Variants in HK1 observed in about 807,000 individuals in gnomAD.
The protein encoded by HK1 is hexokinase 1, also known as hexokinase-1.
A neutral mutation model predicts 91.6 loss-of-function variants in HK1; 28 were observed. The observed-to-expected ratio is 0.31, with a 90% CI of 0.23 to 0.42. The LOEUF is 0.42. Ranked by LOEUF, HK1 falls within the 10% of genes least tolerant of loss-of-function variation. HK1 has a pLI of 1.00. For missense variants in HK1, 770 were observed against 1,219.8 expected, an observed-to-expected ratio of 0.63 and a Z score of 5.49; for synonymous variants, 430 against 468.1, an observed-to-expected ratio of 0.92 and a Z score of 1.05.
At chr10:69,335,730 T>C (rs117879799) in intron 1 of HK1, among the ~76,000 whole-genome samples, 113 of 152,322 alleles carry the variant, frequency 7.4e-4, no homozygotes, top group Admixed American at 2.2e-3. Flanking sequence ...GAGAGGCCTT[T>C]ATAGGTCAAA....
chr10:69,341,343 T>A (rs1407261820), intron 1 of HK1, among the ~76,000 whole-genome samples: 1 of 151,394 alleles, frequency 6.6e-6, no homozygotes, highest in African/African-American at 2.4e-5. Flanking sequence ...TGTATTTTTT[T>A]AGAGACGAGG....
intron 5 of HK1, among the ~76,000 whole-genome samples, chr10:69,305,777 C>G (rs1453601953): frequency 6.6e-6 from 1 of 150,918 alleles, no homozygotes; most frequent in Non-Finnish European, 1.5e-5. Flanking sequence ...CGTTTGAACC[C>G]GGGAGGCAGA....
At chr10:69,340,103 AAT>A (rs1848214930) in intron 1 of HK1, among the ~76,000 whole-genome samples, 1 of 152,182 alleles carries the variant, frequency 6.6e-6, no homozygotes, top group Admixed American at 6.5e-5. Context: ...AGGTCTATTC[AAT>A]ATGTTTTCTT....
At chr10:69,311,079 G>A (rs898663126), upstream of HK1, among the ~76,000 whole-genome samples, 4 of 151,700 alleles carry the variant, frequency 2.6e-5, no homozygotes, top group Non-Finnish European at 4.4e-5. Context: ...AAGTGATAAG[G>A]GGTTGTGGAG....
At chr10:69,315,872 C>A, upstream of HK1, 1 of 1,414,458 alleles carries the variant, frequency 7.1e-7, no homozygotes, top group Non-Finnish European at 1.0e-6. Context: ...AAAACTCTAC[C>A]ACAACCTGAC....
intron 4 of HK1, among the ~76,000 whole-genome samples, chr10:69,366,392 G>A (rs543250980): frequency 6.6e-6 from 1 of 152,090 alleles, no homozygotes; most frequent in Non-Finnish European, 1.5e-5. Flanking sequence ...TAGGGTAAGC[G>A]TCCTTTCCTG....
intron 4 of HK1, among the ~76,000 whole-genome samples, chr10:69,366,272 C>T (rs1226939208): frequency 6.6e-6 from 1 of 152,142 alleles, no homozygotes; most frequent in Non-Finnish European, 1.5e-5. Flanking sequence ...GTCACCTAGC[C>T]AGGAAGATTC....
At chr10:69,376,756 G>T (rs1380478413) in intron 7 of HK1, among the ~76,000 whole-genome samples, 178 bp from the exon 8 acceptor site, 2 of 152,118 alleles carry the variant, frequency 1.3e-5, no homozygotes, top group Non-Finnish European at 2.9e-5. Context: ...AGTCGGCTTG[G>T]CTTCCGATCC....
chr10:69,288,443 T>C (rs1845131276), intron 2 of HK1, among the ~76,000 whole-genome samples: 1 of 152,176 alleles, frequency 6.6e-6, no homozygotes, highest in Non-Finnish European at 1.5e-5. Flanking sequence ...CAGTGAGCTA[T>C]GATGGCGCCA....
chr10:69,297,697 C>T lies in HK1; in HGVS notation c.-67+2017C>T, dbSNP rs183019366. Among the ~76,000 whole-genome samples, 51 of 148,486 alleles carry T rather than the reference C, an allele frequency of 3.4e-4. 1 individual carries two copies. Among genetic ancestry groups the T allele is most frequent in the African/African-American group, 1.3e-3 (50 of 38,192 alleles). Reference sequence around the variant, plus strand: ...ATCACCTGAGGTCGGGTGTTTAAGACCAGCCTGGCCAACACGGTAAAACCC... The same window carrying T: ...ATCACCTGAGGTCGGGTGTTTAAGATCAGCCTGGCCAACACGGTAAAACCC... On this transcript the variant is annotated intron_variant, in intron 4 of 21. Coordinates refer to the HK1 transcript ENST00000360289.
upstream of HK1, among the ~76,000 whole-genome samples, chr10:69,314,393 G>T (rs1295481493): frequency 2.0e-5 from 3 of 152,184 alleles, no homozygotes; most frequent in South Asian, 4.1e-4. Context: ...GTGCAGCCAG[G>T]TTGGAAACCA....
At chr10:69,327,698 C>T (rs751702896) in intron 1 of HK1, among the ~76,000 whole-genome samples, 7 of 152,186 alleles carry the variant, frequency 4.6e-5, no homozygotes, top group Non-Finnish European at 1.0e-4. Flanking sequence ...GAAGTATGTG[C>T]AGGTTGCCTT....
rs753204633 is a variant in HK1 at position 69,276,138 on chromosome 10, T to TATATATACAC, written c.-391+6031_-391+6032insTATATACACA. Among the ~76,000 whole-genome samples the TATATATACAC allele has an allele frequency of 8.0e-4, 61 of 76,418 alleles. 1 individual carries two copies. The highest frequency in any genetic ancestry group is 1.1e-3 in the Non-Finnish European group (40 of 37,924). The allele number at this position is 76,418 out of a possible 152,430, so 50.1% of individuals were successfully genotyped here. ...AAAAAAATACATATATATATATATATACACATATATATATTCTATATTAAA... is the reference window on the plus strand; with the variant it reads ...AAAAAAATACATATATATATATATATATATATACACACACATATATATATTCTATATTAAA... On this transcript the variant is annotated intron_variant, in intron 1 of 21. Coordinates refer to the HK1 transcript ENST00000360289.
intron 7 of HK1, among the ~76,000 whole-genome samples, chr10:69,371,405 T>G (rs578055705): frequency 7.1e-6 from 1 of 140,174 alleles, no homozygotes; most frequent in African/African-American, 2.7e-5. Context: ...TGAATAGCCC[T>G]GAATGTGCTT....
At chr10:69,332,814 A>C (rs186326487) in intron 1 of HK1, among the ~76,000 whole-genome samples, 99 of 152,150 alleles carry the variant, frequency 6.5e-4, no homozygotes, top group African/African-American at 2.3e-3. Flanking sequence ...TATCATTGTC[A>C]CTCACCCAGC....
intron 5 of HK1, among the ~76,000 whole-genome samples, chr10:69,305,754 G>A (rs1288090220): frequency 5.3e-5 from 8 of 151,964 alleles, no homozygotes; most frequent in Non-Finnish European, 1.2e-4. Flanking sequence ...TCGGGAGGCT[G>A]AGGGAGGAGA....
chr10:69,344,099 C>A, intron 2 of HK1, 110 bp downstream of exon 2: 1 of 1,113,396 alleles, frequency 9.0e-7, no homozygotes, highest in Non-Finnish European at 1.4e-6. Context: ...ACCATTCCAT[C>A]AATCTGCTCT....
rs1840394011 is a variant in HK1, at chr10:69,401,575, G to A, written c.*440G>A. 1 of 372,746 alleles carries A rather than the reference G, an allele frequency of 2.7e-6. No individual in the cohort carries two copies. 23.1% of individuals were successfully genotyped at this position (372,746 alleles called of 1,614,324 possible). A position where few individuals can be genotyped will look rare whatever the true frequency, so the allele number is the denominator to read the frequency against. On this transcript the variant is annotated 3_prime_UTR_variant, in exon 18 of 18. Coordinates refer to ENST00000359426, the MANE Select transcript of HK1 (RefSeq NM_000188.3). ...GACACTGCCGGGCCTCCCTCCCGGG[G>A]GCACTGCCTGAAGGCGAGTGTGGGC...
intron 3 of HK1, among the ~76,000 whole-genome samples, chr10:69,290,337 C>T (rs1488273632): frequency 1.3e-5 from 2 of 152,156 alleles, no homozygotes; most frequent in East Asian, 1.9e-4. Flanking sequence ...GCTTCCACCT[C>T]GAGGCAAGAG....
Sources: gnomAD v4.1 joint callset for allele counts (sites outside exome capture counted in the v4.1 genomes callset) on GRCh38, gnomAD v4.1.1 for gene constraint, MANE v1.5 for transcripts, NCBI Gene and HGNC (gene_info 2026-07-23, HGNC 2026-07-21) for gene names.